The following TFEC variants were observed in gnomAD, a reference collection of about 807,000 sequenced individuals.
TFEC encodes the protein transcription factor EC.
A neutral mutation model predicts 41.6 loss-of-function variants in TFEC; 31 were observed. The observed-to-expected ratio is 0.74, with a 90% confidence interval of 0.56 to 1.01. TFEC has a LOEUF of 1.01. TFEC is among the 50% of genes least tolerant of loss of function. The probability of loss-of-function intolerance (pLI) is 0.00; values close to 1 mark genes in which losing one functional copy is unlikely to be tolerated. For missense variants in TFEC, 402 were observed against 404.1 expected (o/e 0.99, Z 0.04); for synonymous variants, 143 against 140.6 (o/e 1.02, Z -0.12).
chr7:116,112,640 C>A (rs546144501), intron 1 of TFEC, among the ~76,000 whole-genome samples: 2 of 151,912 alleles, frequency 1.3e-5, no homozygotes, highest in Non-Finnish European at 2.9e-5. Context: ...CTAATGTTTT[C>A]TATGACAAAC....
chr7:116,123,518 C>T lies in TFEC; in HGVS notation c.-68-11480G>A, dbSNP rs568820050. Among the ~76,000 whole-genome samples, 36 of 152,060 alleles carry T rather than the reference C, an allele frequency of 2.4e-4. 2 individuals carry two copies. In the South Asian group the frequency reaches 3.9e-3, roughly 17 times the overall value. Reference sequence around the variant, plus strand: ...AAACATCATTTTTGTCATGCCACTTCCCTACAAAAAAAAAATTGAATGCTT... The same window carrying T: ...AAACATCATTTTTGTCATGCCACTTTCCTACAAAAAAAAAATTGAATGCTT... On this transcript the variant is annotated intron_variant, in intron 1 of 8. Transcript: ENST00000484212.
At chr7:115,986,045 A>C (rs916345875) in intron 1 of TFEC, among the ~76,000 whole-genome samples, 9 of 152,174 alleles carry the variant, frequency 5.9e-5, no homozygotes, top group Admixed American at 2.6e-4. Context: ...AACATGCATT[A>C]ACTAATTCAT....
At chr7:115,989,729 A>C (rs1794021597) in intron 1 of TFEC, among the ~76,000 whole-genome samples, 1 of 152,196 alleles carries the variant, frequency 6.6e-6, no homozygotes, top group Non-Finnish European at 1.5e-5. Flanking sequence ...GCGGCCGGGA[A>C]GCTTGAACTT....
exon 3 of TFEC, chr7:116,110,849 C>T (rs1386127403): frequency 6.5e-7 from 1 of 1,545,256 alleles, no homozygotes; most frequent in Admixed American, 2.0e-5. Context: ...GTCTTCTCTC[C>T]TTTTCTCCTA....
At chr7:116,076,353 A>G (rs1383580435) in intron 3 of TFEC, among the ~76,000 whole-genome samples, 1 of 152,122 alleles carries the variant, frequency 6.6e-6, no homozygotes. Flanking sequence ...TGGTAATATG[A>G]CAAGACATGT....
chr7:116,060,134 A>G (rs1349977989), intron 3 of TFEC, among the ~76,000 whole-genome samples: 1 of 152,138 alleles, frequency 6.6e-6, no homozygotes, highest in Non-Finnish European at 1.5e-5. Flanking sequence ...ATACAAAATC[A>G]ATATGTAAAA....
At chr7:116,124,258 TCAGA>T (rs1304011756) in intron 1 of TFEC, among the ~76,000 whole-genome samples, 9 of 152,072 alleles carry the variant, frequency 5.9e-5, no homozygotes, top group Admixed American at 3.9e-4. Flanking sequence ...AGGAGCTCAC[TCAGA>T]CAAAGAGAGG....
chr7:116,089,694 A>G (rs1008291935), intron 3 of TFEC, among the ~76,000 whole-genome samples: 3 of 152,152 alleles, frequency 2.0e-5, no homozygotes, highest in Non-Finnish European at 4.4e-5. Context: ...AGAAGATGAG[A>G]TATTAATTCC....
chr7:116,143,530 A>C (rs990985190), intron 1 of TFEC, among the ~76,000 whole-genome samples: 8 of 152,214 alleles, frequency 5.3e-5, no homozygotes, highest in Non-Finnish European at 1.2e-4. Flanking sequence ...CCCAGCTGGA[A>C]GTAGACAGAG....
chr7:116,053,019 C>A (rs908665290), intron 3 of TFEC, among the ~76,000 whole-genome samples: 1 of 151,842 alleles, frequency 6.6e-6, no homozygotes, highest in Non-Finnish European at 1.5e-5. Context: ...TTGCAGTGAG[C>A]CAAGATCTTG....
intron 3 of TFEC, among the ~76,000 whole-genome samples, chr7:116,068,684 G>C (rs1796752946): frequency 6.6e-6 from 1 of 151,330 alleles, no homozygotes; most frequent in Non-Finnish European, 1.5e-5. Flanking sequence ...ATAATGCTTT[G>C]CCTTCACATA....
intron 3 of TFEC, among the ~76,000 whole-genome samples, chr7:116,073,072 A>G (rs944624375): frequency 1.3e-5 from 2 of 151,656 alleles, no homozygotes; most frequent in South Asian, 2.1e-4. Flanking sequence ...AGATGGCATG[A>G]TCTCGTACAT....
intron 3 of TFEC, among the ~76,000 whole-genome samples, chr7:116,095,492 A>AC (rs1282635354): frequency 8.5e-5 from 13 of 152,192 alleles, no homozygotes; most frequent in Non-Finnish European, 1.6e-4. Context: ...CATATGCAAT[A>AC]TCCAATATAT....
At chr7:116,159,677 A>G (rs907669626) in intron 1 of TFEC, 5 of 152,180 alleles carry the variant, frequency 3.3e-5, no homozygotes, top group African/African-American at 9.6e-5. Context: ...AAAAGTTAAT[A>G]ATCTTAAACA....
At chr7:116,000,110 T>C (rs1193093829) in intron 1 of TFEC, among the ~76,000 whole-genome samples, 2 of 151,976 alleles carry the variant, frequency 1.3e-5, no homozygotes, top group Non-Finnish European at 2.9e-5. Flanking sequence ...ACATTAAAAA[T>C]TCATCATGAC....
intron 1 of TFEC, among the ~76,000 whole-genome samples, chr7:116,112,820 G>A (rs1258152012): frequency 6.6e-6 from 1 of 151,854 alleles, no homozygotes; most frequent in Non-Finnish European, 1.5e-5. Flanking sequence ...AAAATGTCTA[G>A]GCCCAGAATA....
At chr7:116,120,557 G>GTCT in intron 1 of TFEC, 1 of 152,068 alleles carries the variant, frequency 6.6e-6, no homozygotes, top group African/African-American at 2.4e-5. Flanking sequence ...TGTCCTTACA[G>GTCT]TCTGTGATAG....
intron 1 of TFEC, among the ~76,000 whole-genome samples, chr7:116,149,332 AC>A (rs1762122095): frequency 6.6e-6 from 1 of 152,154 alleles, no homozygotes; most frequent in African/African-American, 2.4e-5. Context: ...GATATTAAAA[AC>A]AAGTTTACAC....
intron 3 of TFEC, among the ~76,000 whole-genome samples, chr7:116,080,000 A>G (rs1239966341): frequency 1.3e-5 from 2 of 152,298 alleles, no homozygotes; most frequent in East Asian, 3.9e-4. Flanking sequence ...CCAATGGAAC[A>G]GAATAGAAAA....
Sources: gnomAD v4.1 joint callset for allele counts (sites outside exome capture counted in the v4.1 genomes callset) on GRCh38, gnomAD v4.1.1 for gene constraint, MANE v1.5 for transcripts, NCBI Gene and HGNC (gene_info 2026-07-23, HGNC 2026-07-21) for gene names.